Variants in ANKRD18B observed in about 807,000 individuals in gnomAD.
The protein encoded by ANKRD18B is ankyrin repeat domain-containing protein 18B.
Under a neutral mutation model 111.8 loss-of-function variants are expected in ANKRD18B, and 75 were observed. The ratio of observed to expected loss-of-function variants is 0.67; its 90% confidence interval spans 0.56 to 0.81. ANKRD18B has a LOEUF of 0.81. Ranked by LOEUF, ANKRD18B falls within the 40% of genes least tolerant of loss-of-function variation. The pLI is 0.00. For missense variants in ANKRD18B, 1,038 were observed against 1,225.5 expected (o/e 0.85, Z 2.28); for synonymous variants, 356 against 417.3 (o/e 0.85, Z 1.79).
chr9:33,567,848 G>T (rs868585795), intron 16 of ANKRD18B, among the ~76,000 whole-genome samples: 12 of 152,294 alleles, frequency 7.9e-5, no homozygotes, highest in Middle Eastern at 3.4e-3. Flanking sequence ...TTACATAAAG[G>T]CATCCTTGTG....
rs1349503235 is a variant in ANKRD18B at position 33,535,762 on chromosome 9, A to G, written c.741-1116A>G. 4.2e-5 allele frequency among the ~76,000 whole-genome samples: 6 copies of G among 141,700 alleles called. No homozygotes were observed. In the East Asian group the frequency reaches 6.2e-4, roughly 15 times the overall value. 93.0% of individuals were successfully genotyped at this position (141,700 alleles called of 152,430 possible). A position where few individuals can be genotyped will look rare whatever the true frequency, so the allele number is the denominator to read the frequency against. On this transcript the variant is annotated intron_variant, in intron 5 of 18. Coordinates refer to ENST00000684830, the MANE Select transcript of ANKRD18B (RefSeq NM_001393611.1). ...TATATTTTATATTTTTATATTTAAT[A>G]TTTATATTATCATTATAAATATTAT...
intron 4 of ANKRD18B, chr9:33,533,765 T>C: frequency 1.0e-6 from 1 of 954,474 alleles, no homozygotes; most frequent in Non-Finnish European, 1.4e-6. Flanking sequence ...TAGACTGTTA[T>C]TTGTAATTTG....
intron 10 of ANKRD18B, among the ~76,000 whole-genome samples, chr9:33,545,071 A>G (rs1408717464): frequency 1.3e-5 from 2 of 152,142 alleles, no homozygotes; most frequent in African/African-American, 4.8e-5. Context: ...GAAGGAGCCC[A>G]TCTCACTCAG....
chr9:33,541,205 A>T lies in ANKRD18B; in HGVS notation c.1056A>T (p.Lys352Asn). ...LKKRKKRKKL[K>N]KRKEGAKEHN... ...AAAGAAAAAAAAGAAAAAAATTGAA[A>T]AAAAGAAAAGAAGGTGCAAAAGGTA... The change falls in exon 9 of 19, where the codon AAA (lysine) becomes AAT (asparagine). Residue 352 changes from lysine (K) to asparagine (N), a missense_variant. By Grantham distance (94) the Lys-to-Asn change is moderately conservative (BLOSUM62 0). Coordinates refer to ENST00000684830, the MANE Select transcript of ANKRD18B (RefSeq NM_001393611.1). 1 of 1,546,522 alleles carries T rather than the reference A, an allele frequency of 6.5e-7. No homozygotes were observed. Among genetic ancestry groups the T allele is most frequent in the Non-Finnish European group, 8.7e-7 (1 of 1,145,832 alleles).
At position 33,561,094 on chromosome 9, in the gene ANKRD18B, C is replaced by T. The variant is rs377070945; in HGVS notation, c.2460+2907C>T. Among the ~76,000 whole-genome samples the T allele has an allele frequency of 5.8e-4, 89 of 152,296 alleles. 3 individuals carry two copies. In the South Asian group the frequency reaches 0.018, roughly 31 times the overall value. On this transcript the variant is annotated intron_variant, in intron 14 of 18. Transcript: ENST00000684830. The stretch of plus-strand genomic sequence containing the variant: ...GGTCATACAGTAACTTCATGCTTAA[C>T]CTTTTGAGGAGCTGACAATTTGTTT...
chr9:33,565,063 C>G (rs1356871560), intron 14 of ANKRD18B, among the ~76,000 whole-genome samples: 1 of 152,174 alleles, frequency 6.6e-6, no homozygotes, highest in African/African-American at 2.4e-5. Flanking sequence ...GCCTATGCTT[C>G]TGATGTCTTA....
intron 11 of ANKRD18B, among the ~76,000 whole-genome samples, chr9:33,549,595 A>G (rs1381597563): frequency 6.6e-6 from 1 of 152,144 alleles, no homozygotes; most frequent in Non-Finnish European, 1.5e-5. Flanking sequence ...GTGTCTTGTG[A>G]TGCTTTTCCT....
chr9:33,543,298 G>T, intron 10 of ANKRD18B, 43 bp downstream of exon 10: 1 of 1,492,076 alleles, frequency 6.7e-7, no homozygotes, highest in Non-Finnish European at 9.1e-7. Flanking sequence ...TGGTTTGTTT[G>T]TTTTTCTTTA....
chr9:33,574,092 C>T (rs1045597708), downstream of ANKRD18B, among the ~76,000 whole-genome samples: 3 of 143,828 alleles, frequency 2.1e-5, no homozygotes, highest in African/African-American at 7.3e-5. Flanking sequence ...GGGGACTGAT[C>T]CATGGAGAAT....
chr9:33,551,920 C>G lies in ANKRD18B; in HGVS notation c.2217+1341C>G, dbSNP rs531806881. ...TTTCTCTGACTGTTCTCTCACTGAC[C>G]TTACATCTCAGCACTTGTTGCCCAG... On this transcript the variant is annotated intron_variant, in intron 12 of 18. Transcript: ENST00000684830. Among the ~76,000 whole-genome samples, 35 of 152,296 alleles carry G rather than the reference C, an allele frequency of 2.3e-4. No individual in the cohort carries two copies. The South Asian group carries it at 6.8e-3, about 30-fold the overall frequency.
chr9:33,530,502 C>T (rs1167064266), intron 3 of ANKRD18B, among the ~76,000 whole-genome samples: 2 of 133,674 alleles, frequency 1.5e-5, no homozygotes, highest in Admixed American at 8.2e-5. Context: ...CATAGTAAGA[C>T]TCTTGTCTCT....
chr9:33,543,381 G>C, intron 10 of ANKRD18B, 126 bp downstream of exon 10: 1 of 777,260 alleles, frequency 1.3e-6, no homozygotes, highest in Non-Finnish European at 1.9e-6. Flanking sequence ...ATAATTTCAT[G>C]TTGAATTTTA....
At chr9:33,525,448 C>T (rs374014786) in intron 1 of ANKRD18B, among the ~76,000 whole-genome samples, 3 of 151,914 alleles carry the variant, frequency 2.0e-5, no homozygotes, top group East Asian at 1.9e-4. Context: ...TAGGAAAGGA[C>T]GAGTTATTAA....
intron 14 of ANKRD18B, among the ~76,000 whole-genome samples, chr9:33,558,967 C>T (rs1828568199): frequency 6.6e-6 from 1 of 152,008 alleles, no homozygotes; most frequent in Admixed American, 6.5e-5. Flanking sequence ...ATTGGCTCAG[C>T]CTAAAAGTGG....
At chr9:33,532,028 A>T (rs1189188703) in intron 3 of ANKRD18B, among the ~76,000 whole-genome samples, 1 of 152,076 alleles carries the variant, frequency 6.6e-6, no homozygotes, top group Non-Finnish European at 1.5e-5. Flanking sequence ...AGGTCAGGAG[A>T]TGGAGACCAT....
intron 17 of ANKRD18B, among the ~76,000 whole-genome samples, chr9:33,570,432 C>T (rs1203155173): frequency 6.8e-6 from 1 of 146,486 alleles, no homozygotes; most frequent in Non-Finnish European, 1.5e-5. Flanking sequence ...ACACAGGTAC[C>T]ACTTTAATTT....
intron 3 of ANKRD18B, among the ~76,000 whole-genome samples, chr9:33,530,527 C>CAAAAAAAAAA: frequency 1.2e-5 from 1 of 82,988 alleles, no homozygotes; most frequent in Non-Finnish European, 2.3e-5. Context: ...ACAACAAGAG[C>CAAAAAAAAAA]AAAAAAAAAA....
chr9:33,570,927 T>C (rs567684377), intron 17 of ANKRD18B, among the ~76,000 whole-genome samples: 71 of 152,290 alleles, frequency 4.7e-4, no homozygotes, highest in Admixed American at 3.1e-3. Flanking sequence ...TGAGCTGCCA[T>C]GCCCGGTCAT....
At chr9:33,527,861 T>C (rs1244265148) in intron 1 of ANKRD18B, among the ~76,000 whole-genome samples, 1 of 152,216 alleles carries the variant, frequency 6.6e-6, no homozygotes, top group Non-Finnish European at 1.5e-5. Flanking sequence ...CTACCAATTA[T>C]AGTTATAAAA....
Sources: allele counts gnomAD v4.1 joint callset (sites outside exome capture counted in the v4.1 genomes callset), GRCh38; gene constraint gnomAD v4.1.1; transcripts MANE v1.5; gene names NCBI Gene and HGNC (gene_info 2026-07-23, HGNC 2026-07-21).